SATB2: variants seen among roughly 807,000 people sequenced by gnomAD.
The protein encoded by SATB2 is DNA-binding protein SATB2.
In SATB2, 1 loss-of-function variant was observed where a neutral mutation model predicts 73.4. The ratio of observed to expected loss-of-function variants is 0.01; its 90% CI spans 0.00 to 0.06. The LOEUF (loss-of-function observed/expected upper bound fraction) is 0.06. Among genes scored for constraint, SATB2 ranks in the 10% least tolerant of loss-of-function variants. The probability of loss-of-function intolerance (pLI) is 1.00; values close to 1 mark genes in which losing one functional copy is unlikely to be tolerated. For missense variants in SATB2, 459 were observed against 945.8 expected, an observed-to-expected ratio of 0.49 and a Z score of 6.75; for synonymous variants, 397 against 367.0, an observed-to-expected ratio of 1.08 and a Z score of -0.93.
intron 7 of SATB2, among the ~76,000 whole-genome samples, chr2:199,336,873 T>G (rs1326573415): frequency 6.6e-6 from 1 of 152,248 alleles, no homozygotes; most frequent in Admixed American, 6.5e-5. Context: ...ACTGGACAAG[T>G]ATCAATTAAT....
intron 5 of SATB2, among the ~76,000 whole-genome samples, chr2:199,374,367 G>A (rs538737932): frequency 6.6e-6 from 1 of 152,258 alleles, no homozygotes; most frequent in African/African-American, 2.4e-5. Context: ...AATTCACAGA[G>A]GCAGAATACA....
chr2:199,374,947 C>A (rs954831326), intron 5 of SATB2, among the ~76,000 whole-genome samples: 2 of 149,642 alleles, frequency 1.3e-5, no homozygotes, highest in South Asian at 4.3e-4. Context: ...CTGGGCAACC[C>A]AGGGAGACTC....
At chr2:199,349,784 A>T (rs1046549252) in intron 6 of SATB2, among the ~76,000 whole-genome samples, 12 of 152,210 alleles carry the variant, frequency 7.9e-5, no homozygotes, top group African/African-American at 2.9e-4. Flanking sequence ...TAAGAAAAAA[A>T]ATCACAAAAT....
chr2:199,320,756 C>G (rs1687862239), intron 9 of SATB2, among the ~76,000 whole-genome samples: 1 of 152,134 alleles, frequency 6.6e-6, no homozygotes. Flanking sequence ...TCTTGGACCA[C>G]CATTCCTACT....
chr2:199,393,054 A>G (rs1390846313), intron 3 of SATB2, among the ~76,000 whole-genome samples: 1 of 152,130 alleles, frequency 6.6e-6, no homozygotes, highest in Non-Finnish European at 1.5e-5. Flanking sequence ...GGGGCCACTT[A>G]TTCTCTTTGA....
chr2:199,423,100 CTA>C (rs1056549855), intron 3 of SATB2, among the ~76,000 whole-genome samples: 3 of 152,074 alleles, frequency 2.0e-5, no homozygotes, highest in African/African-American at 7.2e-5. Context: ...TTCCAGAAGT[CTA>C]TATTTGCCAA....
At chr2:199,331,332 G>A (rs1419413211) in intron 7 of SATB2, among the ~76,000 whole-genome samples, 1 of 151,494 alleles carries the variant, frequency 6.6e-6, no homozygotes, top group Non-Finnish European at 1.5e-5. Flanking sequence ...AAGTATCCTT[G>A]AGAATGACTG....
At chr2:199,396,404 T>C (rs1323776316) in intron 3 of SATB2, 1 of 152,238 alleles carries the variant, frequency 6.6e-6, no homozygotes, top group Non-Finnish European at 1.5e-5. Context: ...GATATCCTTA[T>C]ATAAACATTC....
intron 3 of SATB2, among the ~76,000 whole-genome samples, chr2:199,423,189 T>C (rs1691223657): frequency 6.6e-6 from 1 of 152,162 alleles, no homozygotes; most frequent in Non-Finnish European, 1.5e-5. Flanking sequence ...CCTAACATTT[T>C]ATTACATATT....
At chr2:199,439,411 T>C (rs147228007) in intron 2 of SATB2, among the ~76,000 whole-genome samples, 2 of 152,208 alleles carry the variant, frequency 1.3e-5, no homozygotes, top group East Asian at 3.9e-4. Context: ...GCCTGCAGCT[T>C]ATCTAGTTCT....
chr2:199,431,988 C>A (rs1281329251), intron 3 of SATB2, among the ~76,000 whole-genome samples: 1 of 152,022 alleles, frequency 6.6e-6, no homozygotes, highest in Non-Finnish European at 1.5e-5. Context: ...GCAATGGTGC[C>A]CAGTATGCAA....
chr2:199,404,619 T>C (rs1690578879), intron 3 of SATB2, among the ~76,000 whole-genome samples: 1 of 152,196 alleles, frequency 6.6e-6, no homozygotes, highest in Non-Finnish European at 1.5e-5. Context: ...TTTAATGTTA[T>C]GTGTCTTTTT....
At chr2:199,341,592 T>C (rs974334946) in intron 7 of SATB2, among the ~76,000 whole-genome samples, 1 of 152,196 alleles carries the variant, frequency 6.6e-6, no homozygotes, top group African/African-American at 2.4e-5. Context: ...TACTGACCCA[T>C]TGAATTGCAG....
chr2:199,363,874 G>A (rs1457050877), intron 6 of SATB2, among the ~76,000 whole-genome samples: 1 of 152,142 alleles, frequency 6.6e-6, no homozygotes, highest in Non-Finnish European at 1.5e-5. Context: ...TTACAACATA[G>A]GCAGAAGGCA....
intron 10 of SATB2, among the ~76,000 whole-genome samples, chr2:199,283,013 T>G (rs1692573179): frequency 6.6e-6 from 1 of 152,134 alleles, no homozygotes; most frequent in Non-Finnish European, 1.5e-5. Flanking sequence ...GTGTGGTCCA[T>G]GCAATAGGCC....
intron 9 of SATB2, among the ~76,000 whole-genome samples, chr2:199,320,378 T>A (rs1001069863): frequency 1.2e-4 from 18 of 152,040 alleles, no homozygotes; most frequent in Admixed American, 3.3e-4. Context: ...TGGTCCTAAA[T>A]AGAAAATGAA....
chr2:199,453,594 T>G (rs1692191467), intron 2 of SATB2, among the ~76,000 whole-genome samples: 1 of 152,020 alleles, frequency 6.6e-6, no homozygotes, highest in Admixed American at 6.6e-5. Flanking sequence ...AAATTTAGAA[T>G]GTGCATTTTT....
At chr2:199,384,999 C>G (rs1053634803) in intron 3 of SATB2, among the ~76,000 whole-genome samples, 8 of 152,164 alleles carry the variant, frequency 5.3e-5, no homozygotes, top group Admixed American at 3.3e-4. Context: ...TTTTAAATCA[C>G]AAAGGAGGAG....
chr2:199,417,090 A>G, intron 3 of SATB2, among the ~76,000 whole-genome samples: 1 of 151,938 alleles, frequency 6.6e-6, no homozygotes, highest in East Asian at 1.9e-4. Context: ...AAAAATAAAT[A>G]AAATAACATG....
Sources: gnomAD v4.1 joint callset for allele counts (sites outside exome capture counted in the v4.1 genomes callset) on GRCh38, gnomAD v4.1.1 for gene constraint, MANE v1.5 for transcripts, NCBI Gene and HGNC (gene_info 2026-07-23, HGNC 2026-07-21) for gene names.